Variants in WDR25 observed in about 807,000 individuals in gnomAD.
WDR25 encodes the protein WD repeat domain 25, also known as WD repeat-containing protein 25.
In WDR25, 35 loss-of-function variants were observed where a neutral mutation model predicts 47.7. That is an observed-to-expected ratio of 0.73 (90% CI 0.56 to 0.97). WDR25 has a LOEUF of 0.97. WDR25 is among the 50% of genes least tolerant of loss of function. The pLI is 0.00. For missense variants in WDR25, 634 were observed against 704.7 expected, an observed-to-expected ratio of 0.90 and a Z score of 1.14; for synonymous variants, 248 against 278.9, an observed-to-expected ratio of 0.89 and a Z score of 1.10.
At chr14:100,516,805 T>A (rs891426782) in intron 4 of WDR25, among the ~76,000 whole-genome samples, 1 of 152,238 alleles carries the variant, frequency 6.6e-6, no homozygotes, top group African/African-American at 2.4e-5. Context: ...TCTTTTTAAA[T>A]GTTAATCTGA....
chr14:100,415,666 A>G (rs901308519), intron 2 of WDR25, among the ~76,000 whole-genome samples: 2 of 152,152 alleles, frequency 1.3e-5, no homozygotes, highest in African/African-American at 4.8e-5. Context: ...CCTCTCTGTA[A>G]TGCATCCCAC....
Position 100,506,709 on chromosome 14 carries a change from T to C in WDR25, c.1102-19161T>C, listed in dbSNP as rs1331819027. ...CATATTTGCTGGCTGCCTGTATGTC[T>C]TCTTTTGAGAAGTGTCTATTCATGT... On this transcript the variant is annotated intron_variant, in intron 4 of 6. Transcript: ENST00000402312. The surrounding 1 kb of genome is among the most constrained non-coding windows in gnomAD (Gnocchi z 4.8). Among the ~76,000 whole-genome samples the C allele has an allele frequency of 6.6e-6, 1 of 152,236 alleles. No homozygotes were observed. The highest frequency in any genetic ancestry group is 1.5e-5 in the Non-Finnish European group (1 of 68,040).
At position 100,427,280 on chromosome 14, in the gene WDR25, C is replaced by G. The variant is rs140770759; in HGVS notation, c.823-40741C>G. The stretch of plus-strand genomic sequence containing the variant: ...TTTTCCCACGAAGCCCTCCATGCCC[C>G]CCAGCTGCATTAGATGCATCCACCA... On this transcript the variant is annotated intron_variant, in intron 2 of 6. Transcript: ENST00000402312. 4.8e-3 allele frequency among the ~76,000 whole-genome samples: 725 copies of G among 152,310 alleles called. 6 individuals carry two copies. Among genetic ancestry groups the G allele is most frequent in the African/African-American group, 0.017 (695 of 41,564 alleles).
At chr14:100,444,907 C>T (rs1393119469) in intron 2 of WDR25, among the ~76,000 whole-genome samples, 1 of 152,184 alleles carries the variant, frequency 6.6e-6, no homozygotes, top group Non-Finnish European at 1.5e-5. Context: ...TTTAAGCTTC[C>T]CCACCACTCT....
At chr14:100,387,931 G>C (rs546797788) in intron 2 of WDR25, among the ~76,000 whole-genome samples, 20 of 152,334 alleles carry the variant, frequency 1.3e-4, no homozygotes, top group African/African-American at 4.6e-4. Flanking sequence ...ACAGGATCCT[G>C]TTGATTTATC....
chr14:100,501,550 C>G (rs1900924177), intron 4 of WDR25, among the ~76,000 whole-genome samples: 2 of 152,198 alleles, frequency 1.3e-5, no homozygotes, highest in Admixed American at 1.3e-4. Context: ...CTCAGATACA[C>G]ATTCTCCCAT....
chr14:100,395,972 GTTTT>G (rs575737706), intron 2 of WDR25, among the ~76,000 whole-genome samples: 1 of 117,248 alleles, frequency 8.5e-6, no homozygotes. Flanking sequence ...TCTGTGAAAT[GTTTT>G]TTTTTTTTTT....
chr14:100,459,890 G>GTGTGTGTA (rs1555392120), intron 2 of WDR25, among the ~76,000 whole-genome samples: 34 of 47,792 alleles, frequency 7.1e-4, no homozygotes, highest in African/African-American at 2.6e-3. Context: ...ATATGTGTGT[G>GTGTGTGTA]TGTGTATATA....
chr14:100,440,919 C>T lies in WDR25; in HGVS notation c.823-27102C>T, dbSNP rs1898650580. Reference sequence around the variant, plus strand: ...TAGTCCTGATGACAAATGTAATTGACATTTTTTATTAACCCTGAAATGATT... The same window carrying T: ...TAGTCCTGATGACAAATGTAATTGATATTTTTTATTAACCCTGAAATGATT... On this transcript the variant is annotated intron_variant, in intron 2 of 6. Transcript: ENST00000402312. The surrounding 1 kb of genome is among the most constrained non-coding windows in gnomAD (Gnocchi z 4.4). Among the ~76,000 whole-genome samples the T allele has an allele frequency of 6.6e-6, 1 of 152,150 alleles. No individual in the cohort carries two copies. The highest frequency in any genetic ancestry group is 2.4e-5 in the African/African-American group (1 of 41,422).
At position 100,455,171 on chromosome 14, in the gene WDR25, G is replaced by A. The variant is rs189263749; in HGVS notation, c.823-12850G>A. The A allele has an allele frequency of 3.9e-5, 6 of 152,254 alleles. No homozygotes were observed. The East Asian group carries it at 7.7e-4, about 20-fold the overall frequency. 9.4% of individuals were successfully genotyped at this position (152,254 alleles called of 1,614,324 possible). On this transcript the variant is annotated intron_variant, in intron 2 of 6. Transcript: ENST00000402312. ...GAAGGACACAAAGGAAAATATCCTC[G>A]CAACAAGTAAAACAACGGGGAATCT... is the stretch of plus-strand genomic sequence containing the variant.
chr14:100,431,396 A>G (rs563424182), intron 2 of WDR25, among the ~76,000 whole-genome samples: 2 of 152,368 alleles, frequency 1.3e-5, no homozygotes, highest in South Asian at 4.1e-4. Context: ...TGATAAAAGC[A>G]GTTAAAGGAT....
intron 4 of WDR25, chr14:100,487,492 C>T (rs1390460226): frequency 8.5e-5 from 13 of 152,216 alleles, no homozygotes; most frequent in Non-Finnish European, 1.8e-4. Flanking sequence ...ACAGAGACCA[C>T]ATAGCCCACA....
intron 2 of WDR25, among the ~76,000 whole-genome samples, chr14:100,391,106 T>C (rs549335418): frequency 1.2e-3 from 185 of 152,300 alleles, no homozygotes; most frequent in African/African-American, 4.2e-3. Context: ...AGTTTTGGTA[T>C]TTCATGTATT....
At chr14:100,395,972 GTTT>G (rs575737706) in intron 2 of WDR25, among the ~76,000 whole-genome samples, 3 of 117,244 alleles carry the variant, frequency 2.6e-5, no homozygotes, top group African/African-American at 9.8e-5. Context: ...TCTGTGAAAT[GTTT>G]TTTTTTTTTT....
At chr14:100,519,266 GGAGAGAGA>G (rs139840480) in intron 4 of WDR25, among the ~76,000 whole-genome samples, 2 of 147,672 alleles carry the variant, frequency 1.4e-5, no homozygotes, top group African/African-American at 2.5e-5. Flanking sequence ...TTTATAGGGG[GGAGAGAGA>G]GAGAGAGAGA....
At chr14:100,510,195 G>A (rs1180245607) in intron 4 of WDR25, among the ~76,000 whole-genome samples, 4 of 151,894 alleles carry the variant, frequency 2.6e-5, no homozygotes, top group Non-Finnish European at 2.9e-5. Context: ...GCTTGAACCC[G>A]GGAGGCGGAG....
chr14:100,376,632 G>A (rs550038194), intron 1 of WDR25, 137 bp downstream of exon 1: 32 of 1,231,936 alleles, frequency 2.6e-5, no homozygotes, highest in Admixed American at 4.2e-5. Context: ...AAAGCGCTGT[G>A]CCTTGGACCA....
At chr14:100,422,523 ATAC>A (rs1898054682) in intron 2 of WDR25, among the ~76,000 whole-genome samples, 1 of 152,186 alleles carries the variant, frequency 6.6e-6, no homozygotes, top group Admixed American at 6.5e-5. Context: ...ACCTGTTTTC[ATAC>A]TGGCATTTAT....
chr14:100,397,008 TC>T (rs1428716238), intron 2 of WDR25, among the ~76,000 whole-genome samples: 1 of 152,240 alleles, frequency 6.6e-6, no homozygotes, highest in East Asian at 1.9e-4. Context: ...TCAACTCAGG[TC>T]CCCGAGTTCA....
Sources: gnomAD v4.1 joint callset for allele counts (sites outside exome capture counted in the v4.1 genomes callset) on GRCh38, gnomAD v4.1.1 for gene constraint, Gnocchi (gnomAD v3.1) non-coding constraint, MANE v1.5 for transcripts, NCBI Gene and HGNC (gene_info 2026-07-23, HGNC 2026-07-21) for gene names.